The following ADGRB3 variants were observed in gnomAD, a reference collection of about 807,000 sequenced individuals.
ADGRB3 encodes adhesion G protein-coupled receptor B3.
ADGRB3 carries 37 observed loss-of-function variants against 193.4 expected under a neutral mutation model. The observed-to-expected ratio is 0.19, with a 90% CI of 0.15 to 0.25. The LOEUF (loss-of-function observed/expected upper bound fraction) is 0.25, where lower values mean the gene tolerates loss of function less well. Ranked by LOEUF, ADGRB3 falls within the 10% of genes least tolerant of loss-of-function variation. The pLI is 1.00. For missense variants in ADGRB3, 1,637 were observed against 1,852.9 expected, an observed-to-expected ratio of 0.88 and a Z score of 2.14; for synonymous variants, 690 against 644.2, an observed-to-expected ratio of 1.07 and a Z score of -1.08.
chr6:69,043,913 C>T (rs373315678), intron 13 of ADGRB3, among the ~76,000 whole-genome samples: 19 of 152,072 alleles, frequency 1.2e-4, no homozygotes, highest in Admixed American at 7.2e-4. Context: ...TGGTGGCGGG[C>T]GCCTGTAGTC....
intron 17 of ADGRB3, among the ~76,000 whole-genome samples, chr6:69,091,743 A>G (rs944226611): frequency 6.6e-5 from 10 of 152,298 alleles, no homozygotes; most frequent in African/African-American, 2.4e-4. Context: ...CATGATACAA[A>G]TTTACCTAAT....
At chr6:68,973,269 G>A (rs920103394) in intron 8 of ADGRB3, among the ~76,000 whole-genome samples, 1 of 144,996 alleles carries the variant, frequency 6.9e-6, no homozygotes, top group African/African-American at 2.4e-5. Context: ...CCTCTTTTTG[G>A]GCCTTGGTGC....
Position 69,374,953 on chromosome 6 carries a change from A to C in ADGRB3, c.4275+2512A>C, listed in dbSNP as rs1487842538. On this transcript the variant is annotated intron_variant, in intron 30 of 31. Transcript: ENST00000370598. ...TGAATTTCAAAGATATCCACATTAG[A>C]TATAACTCAAGGAGATAGAAAAATG... Among the ~76,000 whole-genome samples the C allele has an allele frequency of 3.9e-5, 6 of 152,206 alleles. No individual in the cohort carries two copies. The South Asian group carries it at 1.2e-3, about 32-fold the overall frequency.
At chr6:69,161,572 A>T (rs1706838) in intron 17 of ADGRB3, among the ~76,000 whole-genome samples, 15,420 of 152,056 alleles carry the variant, frequency 0.1, 887 homozygotes, top group Non-Finnish European at 0.11. Flanking sequence ...TCCATTATCT[A>T]TGGTTGCCTA....
intron 3 of ADGRB3, among the ~76,000 whole-genome samples, chr6:68,789,844 GTTCAT>G (rs1189954981): frequency 6.6e-6 from 1 of 152,134 alleles, no homozygotes; most frequent in African/African-American, 2.4e-5. Context: ...TGGAGGCTTT[GTTCAT>G]TTCTTTTTAT....
intron 3 of ADGRB3, among the ~76,000 whole-genome samples, chr6:68,869,796 A>C (rs1765406325): frequency 6.6e-6 from 1 of 151,800 alleles, no homozygotes; most frequent in African/African-American, 2.4e-5. Flanking sequence ...GGGGAGACAG[A>C]GTCTCACTCG....
At chr6:68,719,734 C>A (rs951268847) in intron 3 of ADGRB3, among the ~76,000 whole-genome samples, 2 of 151,078 alleles carry the variant, frequency 1.3e-5, no homozygotes, top group Admixed American at 6.6e-5. Context: ...TCACAAAAAC[C>A]TTTTTTTTAG....
intron 3 of ADGRB3, among the ~76,000 whole-genome samples, chr6:68,919,499 T>C (rs1389006338): frequency 6.6e-6 from 1 of 152,132 alleles, no homozygotes; most frequent in Non-Finnish European, 1.5e-5. Context: ...CTAAAAGCCA[T>C]ACCTGATCCT....
rs1433985639 is a variant in ADGRB3, at chr6:69,076,590, ATT to A, written c.2480+558_2480+559del. On this transcript the variant is annotated intron_variant, in intron 17 of 31. Transcript: ENST00000370598. Reference sequence around the variant, plus strand: ...TAAGTATGAGTAATTCTTCCATGTTATTTTTTTGTTTGTAGAAGTAATTGCAA... The same window carrying A: ...TAAGTATGAGTAATTCTTCCATGTTATTTTTGTTTGTAGAAGTAATTGCAA... Among the ~76,000 whole-genome samples the A allele has an allele frequency of 4.8e-5, 7 of 147,300 alleles. No individual in the cohort carries two copies. The East Asian group carries it at 1.2e-3, about 24-fold the overall frequency.
intron 11 of ADGRB3, among the ~76,000 whole-genome samples, chr6:69,000,764 G>T (rs921451977): frequency 6.6e-6 from 1 of 152,172 alleles, no homozygotes; most frequent in Non-Finnish European, 1.5e-5. Flanking sequence ...GTCCACAGTT[G>T]GCTATGATGG....
intron 3 of ADGRB3, among the ~76,000 whole-genome samples, chr6:68,652,210 C>T (rs1011003970): frequency 4.8e-4 from 73 of 152,250 alleles, no homozygotes; most frequent in African/African-American, 1.7e-3. Flanking sequence ...TACCATGCCT[C>T]ACCCTGTCTG....
chr6:69,287,476 CAG>C (rs1767577673), intron 20 of ADGRB3, among the ~76,000 whole-genome samples: 1 of 151,974 alleles, frequency 6.6e-6, no homozygotes, highest in Non-Finnish European at 1.5e-5. Context: ...CTACATGTAA[CAG>C]AAAGGAAAAA....
chr6:68,920,336 G>T (rs1412625014), intron 3 of ADGRB3, among the ~76,000 whole-genome samples: 1 of 151,864 alleles, frequency 6.6e-6, no homozygotes, highest in Non-Finnish European at 1.5e-5. Flanking sequence ...TGGCTAACAT[G>T]GTGAAACCCC....
intron 20 of ADGRB3, among the ~76,000 whole-genome samples, chr6:69,257,154 C>G (rs1766796392): frequency 6.6e-6 from 1 of 152,144 alleles, no homozygotes; most frequent in Non-Finnish European, 1.5e-5. Context: ...GGATATTGGT[C>G]TAAAATGCTC....
At chr6:68,910,858 C>A (rs569474265) in intron 3 of ADGRB3, among the ~76,000 whole-genome samples, 3 of 152,214 alleles carry the variant, frequency 2.0e-5, no homozygotes, top group African/African-American at 7.2e-5. Flanking sequence ...CAGCTTTGTT[C>A]TTTTGGCTTA....
intron 10 of ADGRB3, among the ~76,000 whole-genome samples, chr6:68,981,091 G>T (rs542325484): frequency 6.6e-6 from 1 of 151,546 alleles, no homozygotes; most frequent in Non-Finnish European, 1.5e-5. Flanking sequence ...TCAAGACATA[G>T]CATTTTACTG....
At chr6:69,016,369 C>G (rs1316440758) in intron 12 of ADGRB3, among the ~76,000 whole-genome samples, 1 of 151,920 alleles carries the variant, frequency 6.6e-6, no homozygotes, top group African/African-American at 2.4e-5. Context: ...TGCATCATAG[C>G]CAATCCACTG....
intron 31 of ADGRB3, among the ~76,000 whole-genome samples, chr6:69,383,606 A>G (rs183963497): frequency 6.6e-6 from 1 of 152,156 alleles, no homozygotes; most frequent in Admixed American, 6.6e-5. Flanking sequence ...TCGAAAGCTC[A>G]AAAGCTCAAT....
intron 8 of ADGRB3, among the ~76,000 whole-genome samples, chr6:68,971,808 G>A (rs1386319874): frequency 2.0e-5 from 3 of 152,272 alleles, no homozygotes; most frequent in East Asian, 1.9e-4. Flanking sequence ...CTTTTCCACC[G>A]CTTCCCCTTC....
Sources: gnomAD v4.1 joint callset for allele counts (sites outside exome capture counted in the v4.1 genomes callset) on GRCh38, gnomAD v4.1.1 for gene constraint, MANE v1.5 for transcripts, NCBI Gene and HGNC (gene_info 2026-07-23, HGNC 2026-07-21) for gene names.